The following CTNND2 variants were observed in gnomAD, a reference collection of about 807,000 sequenced individuals.
CTNND2 encodes the protein catenin delta 2.
In CTNND2, 22 loss-of-function variants were observed where a neutral mutation model predicts 144.4. The observed-to-expected ratio is 0.15, with a 90% confidence interval of 0.11 to 0.22. CTNND2 has a LOEUF of 0.22. Ranked by LOEUF, CTNND2 falls within the 10% of genes least tolerant of loss-of-function variation. The pLI, the probability that CTNND2 is intolerant of heterozygous loss-of-function variation, is 1.00. For missense variants in CTNND2, 1,353 were observed against 1,618.8 expected (o/e 0.84, Z 2.82); for synonymous variants, 751 against 695.6 (o/e 1.08, Z -1.25).
chr5:11,475,437 T>C (rs1002563608), intron 3 of CTNND2, among the ~76,000 whole-genome samples: 1 of 152,224 alleles, frequency 6.6e-6, no homozygotes, highest in Non-Finnish European at 1.5e-5. Context: ...TTGGGTTCAA[T>C]AGCATTTATT....
rs1793363472 is a variant in CTNND2 at position 11,822,449 on chromosome 5, G to A, written c.37+81368C>T. On this transcript the variant is annotated intron_variant, in intron 1 of 21. Transcript: ENST00000304623. ...CCAGCAATATATTCAAACAATACAT[G>A]GTATGTGTAACAAATGAGTACTTTA... is the stretch of plus-strand genomic sequence containing the variant. Among the ~76,000 whole-genome samples the A allele has an allele frequency of 4.6e-5, 7 of 152,020 alleles. 1 individual carries two copies. The highest frequency in any genetic ancestry group is 3.9e-4 in the Admixed American group (6 of 15,270).
chr5:11,317,829 A>C (rs1023777022), intron 9 of CTNND2, among the ~76,000 whole-genome samples: 5 of 152,184 alleles, frequency 3.3e-5, no homozygotes, highest in African/African-American at 1.2e-4. Flanking sequence ...GTATGGATCT[A>C]TGCAAAGATG....
chr5:11,365,240 G>C (rs1756863810), intron 7 of CTNND2, among the ~76,000 whole-genome samples: 1 of 152,178 alleles, frequency 6.6e-6, no homozygotes, highest in Non-Finnish European at 1.5e-5. Context: ...TCTGTTATTA[G>C]CCCATAGCCC....
intron 3 of CTNND2, among the ~76,000 whole-genome samples, chr5:11,455,248 G>C (rs1031321177): frequency 6.6e-6 from 1 of 152,046 alleles, no homozygotes; most frequent in Non-Finnish European, 1.5e-5. Flanking sequence ...ATGGAGAGTA[G>C]TAAGAGAAAA....
At chr5:11,427,796 C>G (rs548980144) in intron 3 of CTNND2, among the ~76,000 whole-genome samples, 30 of 152,232 alleles carry the variant, frequency 2.0e-4, no homozygotes, top group African/African-American at 7.0e-4. Context: ...TGTCTGCAAT[C>G]TTTTTGCTCC....
In CTNND2 at chr5:11,843,590, T is replaced by C. The variant is rs115768039; in HGVS notation, c.37+60227A>G. The stretch of plus-strand genomic sequence containing the variant: ...AAAGTAGCAAGACTGTCAACAGAGT[T>C]TAGCAAAAAATGTCTATCTCACCAC... On this transcript the variant is annotated intron_variant, in intron 1 of 21. Coordinates refer to ENST00000304623, the MANE Select transcript of CTNND2 (RefSeq NM_001332.4). Among the ~76,000 whole-genome samples the C allele has an allele frequency of 4.3e-3, 659 of 152,236 alleles. 9 individuals are homozygous for C. The highest frequency in any genetic ancestry group is 0.014 in the African/African-American group (592 of 41,556).
intron 1 of CTNND2, among the ~76,000 whole-genome samples, chr5:11,823,362 G>A (rs1793423397): frequency 1.3e-5 from 2 of 152,140 alleles, no homozygotes; most frequent in East Asian, 1.9e-4. Flanking sequence ...AGTCAATCAC[G>A]AATTGTATTG....
At chr5:11,851,927 A>G (rs572225385) in intron 1 of CTNND2, among the ~76,000 whole-genome samples, 14 of 152,354 alleles carry the variant, frequency 9.2e-5, no homozygotes, top group African/African-American at 3.4e-4. Context: ...GATTTTGAAT[A>G]TAATTTCCAG....
intron 9 of CTNND2, among the ~76,000 whole-genome samples, chr5:11,309,274 G>A (rs969744983): frequency 1.7e-4 from 26 of 152,174 alleles, no homozygotes; most frequent in African/African-American, 4.8e-4. Context: ...GGCACTCAAC[G>A]CCAGCCCATG....
Position 11,477,104 on chromosome 5 carries a change from T to G in CTNND2, c.288-65035A>C, listed in dbSNP as rs529822956. Among the ~76,000 whole-genome samples, 3 of 152,342 alleles carry G rather than the reference T, an allele frequency of 2.0e-5. No individual in the cohort carries two copies. In the East Asian group the frequency reaches 5.8e-4, roughly 29 times the overall value. On this transcript the variant is annotated intron_variant, in intron 3 of 21. Transcript: ENST00000304623. ...AATGAGACTGTGTTGATTGTCTATT[T>G]TGTGGATTCAGTTCCATTGCTTTAC...
intron 2 of CTNND2, among the ~76,000 whole-genome samples, chr5:11,659,134 T>A (rs191861722): frequency 7.9e-5 from 12 of 152,160 alleles, no homozygotes; most frequent in Admixed American, 6.6e-4. Flanking sequence ...TGGAAAAAAA[T>A]TTTAAAAATA....
At position 11,080,567 on chromosome 5, in the gene CTNND2, G is replaced by A. The variant is rs188449018; in HGVS notation, c.2788+2129C>T. On this transcript the variant is annotated intron_variant, in intron 16 of 21. Transcript: ENST00000304623. ...TATTCACAATAGTTAATGTATAGAA[G>A]CAATCTAAGTGTCCATCAATGGATA... Among the ~76,000 whole-genome samples the A allele has an allele frequency of 3.2e-4, 48 of 152,200 alleles. No homozygotes were observed. The East Asian group carries it at 8.5e-3, about 27-fold the overall frequency.
chr5:11,304,772 C>T (rs1011510386), intron 9 of CTNND2, among the ~76,000 whole-genome samples: 1 of 152,156 alleles, frequency 6.6e-6, no homozygotes, highest in African/African-American at 2.4e-5. Flanking sequence ...GGCCACTGTG[C>T]TCAGAGTTCA....
chr5:11,108,615 A>G lies in CTNND2; in HGVS notation c.2463+2243T>C, dbSNP rs1054536240. On this transcript the variant is annotated intron_variant, in intron 14 of 21. Coordinates refer to ENST00000304623, the MANE Select transcript of CTNND2 (RefSeq NM_001332.4). Reference sequence around the variant, plus strand: ...TCCTCACCCATGCAGACAGACATATATTTTTTACCCATTTAAATTAAATAA... The same window carrying G: ...TCCTCACCCATGCAGACAGACATATGTTTTTTACCCATTTAAATTAAATAA... Among the ~76,000 whole-genome samples the G allele has an allele frequency of 3.3e-5, 5 of 152,220 alleles. No individual in the cohort carries two copies. In the East Asian group the frequency reaches 9.6e-4, roughly 29 times the overall value.
At chr5:11,315,101 G>A (rs1408857908) in intron 9 of CTNND2, among the ~76,000 whole-genome samples, 1 of 151,970 alleles carries the variant, frequency 6.6e-6, no homozygotes, top group Admixed American at 6.6e-5. Flanking sequence ...CTAGCAATGA[G>A]AACTTTAAAG....
intron 2 of CTNND2, among the ~76,000 whole-genome samples, chr5:11,573,146 T>C (rs1351422047): frequency 2.6e-5 from 4 of 152,222 alleles, no homozygotes; most frequent in African/African-American, 9.6e-5. Flanking sequence ...GCCTACCTTA[T>C]TGAGTCAACA....
chr5:11,320,807 T>G (rs1751957026), intron 9 of CTNND2, among the ~76,000 whole-genome samples: 1 of 152,168 alleles, frequency 6.6e-6, no homozygotes, highest in Non-Finnish European at 1.5e-5. Context: ...AGATGAGATT[T>G]AGGTGGGGAC....
intron 3 of CTNND2, among the ~76,000 whole-genome samples, chr5:11,435,246 C>A (rs1037167020): frequency 6.6e-6 from 1 of 152,002 alleles, no homozygotes; most frequent in Non-Finnish European, 1.5e-5. Context: ...TCACACCATT[C>A]CCCTGCCTCA....
chr5:11,352,674 G>A (rs1405845341), intron 8 of CTNND2, among the ~76,000 whole-genome samples: 1 of 152,134 alleles, frequency 6.6e-6, no homozygotes, highest in Non-Finnish European at 1.5e-5. Flanking sequence ...GTAATGAGCA[G>A]ATAGATTTCT....
Sources: gnomAD v4.1 joint callset for allele counts (sites outside exome capture counted in the v4.1 genomes callset) on GRCh38, gnomAD v4.1.1 for gene constraint, MANE v1.5 for transcripts, NCBI Gene and HGNC (gene_info 2026-07-23, HGNC 2026-07-21) for gene names.